RGS3: variants seen among roughly 807,000 people sequenced by gnomAD.
RGS3 encodes regulator of G-protein signalling 3.
In RGS3, 80 loss-of-function variants were observed where a neutral mutation model predicts 132.6. That is an observed-to-expected ratio of 0.60 (90% confidence interval 0.50 to 0.73). The LOEUF is 0.73. Among genes scored for constraint, RGS3 ranks in the 30% least tolerant of loss-of-function variants. The pLI is 0.00. For missense variants in RGS3, 1,382 were observed against 1,530.8 expected, an observed-to-expected ratio of 0.90 and a Z score of 1.62; for synonymous variants, 598 against 620.6, an observed-to-expected ratio of 0.96 and a Z score of 0.54.
At chr9:113,514,517 A>G in exon 15 of RGS3, 2 of 1,614,224 alleles carry the variant, frequency 1.2e-6, no homozygotes, top group Non-Finnish European at 1.7e-6. Context: ...GTCCCGGCTG[A>G]TGAAGACAGT....
chr9:113,584,132 A>G, exon 20 of RGS3: 1 of 1,614,222 alleles, frequency 6.2e-7, no homozygotes, highest in Non-Finnish European at 8.5e-7. Context: ...GATGACAACT[A>G]CGGAGAGCGC....
intron 19 of RGS3, among the ~76,000 whole-genome samples, chr9:113,553,663 G>A (rs1443749984): frequency 1.3e-5 from 2 of 151,368 alleles, no homozygotes; most frequent in Non-Finnish European, 2.9e-5. Context: ...CCAACATGGC[G>A]AAAGCCCATC....
chr9:113,497,711 C>T (rs1830732262), intron 9 of RGS3, among the ~76,000 whole-genome samples: 1 of 152,188 alleles, frequency 6.6e-6, no homozygotes, highest in Non-Finnish European at 1.5e-5. Flanking sequence ...CTCCATGTCT[C>T]AGGGATCCCC....
intron 3 of RGS3, among the ~76,000 whole-genome samples, chr9:113,477,372 G>T (rs1217538982): frequency 6.6e-6 from 1 of 152,198 alleles, no homozygotes; most frequent in East Asian, 1.9e-4. Flanking sequence ...TGACGGGCTG[G>T]ACCAGGGTTT....
At position 113,577,635 on chromosome 9, in the gene RGS3, C is replaced by T. The variant is rs550846125; in HGVS notation, c.2038-5815C>T. Among the ~76,000 whole-genome samples, 8 of 152,286 alleles carry T rather than the reference C, an allele frequency of 5.3e-5. No homozygotes were observed. In the East Asian group the frequency reaches 1.5e-3, roughly 29 times the overall value. On this transcript the variant is annotated intron_variant, in intron 19 of 24. Transcript: ENST00000350696. ...CTCCATCCATGTCCCTGGGATGCAG[C>T]CACACAGCTGTCCTCTGTGTCAGCA...
chr9:113,445,434 G>A (rs1158016985), intron 1 of RGS3, among the ~76,000 whole-genome samples: 1 of 152,068 alleles, frequency 6.6e-6, no homozygotes, highest in Admixed American at 6.6e-5. Context: ...CTGCCCTCAG[G>A]TGATCTGCCC....
intron 18 of RGS3, among the ~76,000 whole-genome samples, chr9:113,530,737 C>T (rs12343141): frequency 3.6e-4 from 55 of 152,254 alleles, no homozygotes; most frequent in African/African-American, 1.2e-3. Flanking sequence ...TATTGATTTG[C>T]GGCTTTTTGT....
rs1264823981 is a variant in RGS3 at position 113,565,492 on chromosome 9, T to C, written c.2038-17958T>C. 2.6e-6 allele frequency: 2 copies of C among 762,962 alleles called. No homozygotes were observed. Among genetic ancestry groups the C allele is most frequent in the East Asian group, 1.3e-4 (2 of 15,188 alleles). 47.3% of individuals were successfully genotyped at this position (762,962 alleles called of 1,614,324 possible). A position where few individuals can be genotyped will look rare whatever the true frequency, so the allele number is the denominator to read the frequency against. ...CCTAGATGTGGGAGGTGGAACCTGG[T>C]CATTTGGTTCTGCTTTTCCTAGCAG... On this transcript the variant is annotated intron_variant, in intron 19 of 24. Coordinates refer to ENST00000350696, the Ensembl canonical transcript of RGS3. This position sits in a 1 kb window ranked among gnomAD's most constrained non-coding sequence, Gnocchi z 5.7.
At chr9:113,542,888 G>A (rs1363777008) in intron 19 of RGS3, among the ~76,000 whole-genome samples, 1 of 152,230 alleles carries the variant, frequency 6.6e-6, no homozygotes, top group Non-Finnish European at 1.5e-5. Flanking sequence ...GGGCTTCCGA[G>A]GGCCAGGGAC....
exon 20 of RGS3, chr9:113,584,238 C>T (rs1452012335): frequency 6.2e-7 from 1 of 1,611,834 alleles, no homozygotes; most frequent in East Asian, 2.2e-5. Context: ...GCCGGACGCA[C>T]AGCGAGGGCA....
chr9:113,447,361 A>ATATATATATATATATATATATC (rs1554751008), intron 1 of RGS3, among the ~76,000 whole-genome samples: 5 of 118,414 alleles, frequency 4.2e-5, no homozygotes, highest in African/African-American at 1.2e-4. Flanking sequence ...ATATATATAT[A>ATATATATATATATATATATATC]GGCAAGGGTT....
chr9:113,589,638 G>A (rs866665867), intron 20 of RGS3, among the ~76,000 whole-genome samples: 7 of 152,342 alleles, frequency 4.6e-5, no homozygotes, highest in Admixed American at 6.5e-5. Flanking sequence ...TCTTTCCCAC[G>A]GGTGGGGGCC....
intron 3 of RGS3, among the ~76,000 whole-genome samples, chr9:113,469,256 T>C (rs1156313249): frequency 2.6e-5 from 4 of 152,132 alleles, no homozygotes; most frequent in Non-Finnish European, 5.9e-5. Flanking sequence ...GCCTTCAATG[T>C]GTCCCTGCCA....
At chr9:113,478,459 C>A (rs1220157668) in intron 3 of RGS3, among the ~76,000 whole-genome samples, 1 of 152,108 alleles carries the variant, frequency 6.6e-6, no homozygotes, top group East Asian at 1.9e-4. Flanking sequence ...CAGAACCCTC[C>A]CTCCCCCGCC....
At chr9:113,508,896 C>T (rs931212556) in intron 14 of RGS3, among the ~76,000 whole-genome samples, 1 of 152,118 alleles carries the variant, frequency 6.6e-6, no homozygotes, top group African/African-American at 2.4e-5. Flanking sequence ...TATTAGGTGC[C>T]AGAGGCAATG....
chr9:113,447,361 A>ATATATATATATATATATATATATG (rs1554751008), intron 1 of RGS3, among the ~76,000 whole-genome samples: 1 of 118,420 alleles, frequency 8.4e-6, no homozygotes, highest in Non-Finnish European at 1.8e-5. Context: ...ATATATATAT[A>ATATATATATATATATATATATATG]GGCAAGGGTT....
intron 7 of RGS3, among the ~76,000 whole-genome samples, chr9:113,494,704 C>A (rs1384556001): frequency 6.6e-6 from 1 of 152,204 alleles, no homozygotes; most frequent in Non-Finnish European, 1.5e-5. Context: ...CCAGGCTGGT[C>A]TCAAACTCCT....
chr9:113,575,950 G>A (rs1161231837), intron 19 of RGS3, among the ~76,000 whole-genome samples: 1 of 152,148 alleles, frequency 6.6e-6, no homozygotes, highest in Admixed American at 6.5e-5. Flanking sequence ...GATCCAGTGG[G>A]TGTGAATTGA....
At chr9:113,523,676 G>C (rs1399368544) in intron 17 of RGS3, among the ~76,000 whole-genome samples, 3 of 152,160 alleles carry the variant, frequency 2.0e-5, no homozygotes, top group Admixed American at 2.0e-4. Flanking sequence ...GGGGAAGCCA[G>C]CTGGGAGTAT....
Sources: gnomAD v4.1 joint callset for allele counts (sites outside exome capture counted in the v4.1 genomes callset) on GRCh38, gnomAD v4.1.1 for gene constraint, Gnocchi (gnomAD v3.1) non-coding constraint, MANE v1.5 for transcripts, NCBI Gene and HGNC (gene_info 2026-07-23, HGNC 2026-07-21) for gene names.